The following PPP1R42 variants were observed in gnomAD, a reference collection of about 807,000 sequenced individuals.
PPP1R42 encodes protein phosphatase 1 regulatory subunit 42.
A neutral mutation model predicts 31.0 loss-of-function variants in PPP1R42; 34 were observed. That is an observed-to-expected ratio of 1.10 (90% CI 0.83 to 1.46). PPP1R42 has a LOEUF of 1.46. PPP1R42 is among the 40% of genes most tolerant of loss of function. The probability of loss-of-function intolerance (pLI) is 0.00; values close to 1 mark genes in which losing one functional copy is unlikely to be tolerated. For missense variants in PPP1R42, 268 were observed against 303.0 expected (o/e 0.88, Z 0.86); for synonymous variants, 103 against 109.8 (o/e 0.94, Z 0.39).
chr8:66,988,719 A>G (rs1815101345), intron 5 of PPP1R42, among the ~76,000 whole-genome samples: 1 of 152,210 alleles, frequency 6.6e-6, no homozygotes, highest in African/African-American at 2.4e-5. Flanking sequence ...GAGGCAAAAA[A>G]AAGAGGTCCT....
chr8:66,964,325 A>G lies in PPP1R42; in HGVS notation c.812T>C (p.Leu271Pro). Residue 271 changes from leucine (L) to proline (P), a missense_variant, in exon 8 of 8, where the codon CTT becomes CCT. By Grantham distance (98) the Leu-to-Pro change is moderately conservative. Transcript: ENST00000685739. ...TCAGCAAGCTTTCAGATTGCTTCAA[A>G]GAGAGATTCCTGTATTTATAGAGAG... is the stretch of plus-strand genomic sequence containing the variant. ...DASNSLIRISL is the reference protein window; with the variant it reads ...DASNSLIRISP 1 of 1,272,816 alleles carries G rather than the reference A, an allele frequency of 7.9e-7. No homozygotes were observed. The highest frequency in any genetic ancestry group is 1.0e-6 in the Non-Finnish European group (1 of 983,436). The allele number at this position is 1,272,816 out of a possible 1,614,324, so 78.8% of individuals were successfully genotyped here.
At chr8:66,978,208 A>G (rs187425967) in intron 7 of PPP1R42, among the ~76,000 whole-genome samples, 2 of 152,320 alleles carry the variant, frequency 1.3e-5, no homozygotes, top group African/African-American at 4.8e-5. Context: ...CACATCTTAC[A>G]TGGTGGCAGA....
intron 7 of PPP1R42, among the ~76,000 whole-genome samples, chr8:66,965,797 C>A (rs1403320440): frequency 6.6e-6 from 1 of 151,994 alleles, no homozygotes; most frequent in Non-Finnish European, 1.5e-5. Context: ...GTGGAACATG[C>A]CTGTAGTCTC....
At chr8:66,971,005 T>A in intron 7 of PPP1R42, 1 of 1,524,706 alleles carries the variant, frequency 6.6e-7, no homozygotes, top group Non-Finnish European at 8.7e-7. Context: ...AATTTTAGTG[T>A]AATCTTCTCA....
rs192845374 is a variant in PPP1R42, at chr8:67,023,873, C to T, written c.-85+4618G>A. 1.8e-3 allele frequency among the ~76,000 whole-genome samples: 269 copies of T among 151,306 alleles called. 2 individuals are homozygous for T. Among genetic ancestry groups the T allele is most frequent in the African/African-American group, 6.3e-3 (259 of 41,238 alleles). ...AAGATAGCCATACTCAGCTGGGCAC[C>T]GTGGCTGATGCCTGTAATCCCAGCA... On this transcript the variant is annotated intron_variant, in intron 1 of 7. Coordinates refer to ENST00000685739, the MANE Select transcript of PPP1R42 (RefSeq NM_001364910.1).
intron 1 of PPP1R42, among the ~76,000 whole-genome samples, chr8:67,027,837 ACT>A (rs1816448623): frequency 1.3e-5 from 2 of 150,746 alleles, no homozygotes; most frequent in Middle Eastern, 3.4e-3. Context: ...TTACTTTGGG[ACT>A]CCTCTTACTA....
intron 5 of PPP1R42, among the ~76,000 whole-genome samples, chr8:67,007,558 G>C (rs1435089849): frequency 6.6e-6 from 1 of 152,046 alleles, no homozygotes; most frequent in Admixed American, 6.5e-5. Context: ...CGTCAGCCAG[G>C]GTGATCTTGA....
intron 1 of PPP1R42, among the ~76,000 whole-genome samples, chr8:67,024,956 T>C (rs12543094): frequency 6.9e-6 from 1 of 145,766 alleles, no homozygotes; most frequent in African/African-American, 2.6e-5. Flanking sequence ...TTTTTTTTGG[T>C]ACAGATAGGG....
intron 1 of PPP1R42, among the ~76,000 whole-genome samples, chr8:67,024,850 T>G (rs1048601159): frequency 6.6e-6 from 1 of 152,114 alleles, no homozygotes; most frequent in African/African-American, 2.4e-5. Context: ...TGTTAAATTT[T>G]TTTGCATTCC....
chr8:67,008,018 C>G (rs1486128618), intron 5 of PPP1R42, among the ~76,000 whole-genome samples: 1 of 150,832 alleles, frequency 6.6e-6, no homozygotes, highest in Non-Finnish European at 1.5e-5. Context: ...TCCCAAGTAT[C>G]TGGGACTACA....
At chr8:67,023,157 G>A (rs899203093) in intron 1 of PPP1R42, among the ~76,000 whole-genome samples, 7 of 130,026 alleles carry the variant, frequency 5.4e-5, no homozygotes, top group African/African-American at 1.5e-4. Context: ...ACAGGGTCTC[G>A]CTCTGTACAG....
intron 6 of PPP1R42, among the ~76,000 whole-genome samples, chr8:66,983,150 CA>C (rs1023036674): frequency 2.0e-4 from 30 of 152,166 alleles, no homozygotes; most frequent in African/African-American, 7.0e-4. Flanking sequence ...AATTATTCCC[CA>C]ATGAGAAATA....
intron 7 of PPP1R42, among the ~76,000 whole-genome samples, chr8:66,976,793 TTATC>T (rs1283794758): frequency 6.6e-6 from 1 of 152,166 alleles, no homozygotes; most frequent in African/African-American, 2.4e-5. Flanking sequence ...CACATTTTCT[TTATC>T]CATTCATCTG....
intron 5 of PPP1R42, among the ~76,000 whole-genome samples, chr8:66,999,555 C>T (rs968255414): frequency 6.6e-6 from 1 of 152,036 alleles, no homozygotes; most frequent in Non-Finnish European, 1.5e-5. Context: ...CCCCACATTG[C>T]CCAGCCTGGG....
At chr8:67,015,088 G>A (rs1204439316) in intron 2 of PPP1R42, among the ~76,000 whole-genome samples, 1 of 151,904 alleles carries the variant, frequency 6.6e-6, no homozygotes, top group Admixed American at 6.6e-5. Flanking sequence ...ACGCCATCTC[G>A]GCTCACCATA....
chr8:67,014,527 G>A lies in PPP1R42; in HGVS notation c.195C>T (p.Ile65=). 2.6e-6 allele frequency: 4 copies of A among 1,564,082 alleles called. No homozygotes were observed. The highest frequency in any genetic ancestry group is 3.5e-6 in the Non-Finnish European group (4 of 1,140,970). The change falls in exon 3 of 8, where the codon ATC becomes ATT. Residue 65 remains isoleucine (I), a synonymous_variant. Coordinates refer to ENST00000685739, the MANE Select transcript of PPP1R42 (RefSeq NM_001364910.1). ...LYLYDNCISQ[I]TNLNYATNLT... ...GATTTGTGGCATAATTCAGGTTAGTGATTTGACTAATACAATTATCATATA... is the reference window on the plus strand; with the variant it reads ...GATTTGTGGCATAATTCAGGTTAGTAATTTGACTAATACAATTATCATATA...
intron 6 of PPP1R42, chr8:66,985,917 C>A: frequency 1.2e-6 from 1 of 857,586 alleles, no homozygotes; most frequent in South Asian, 1.5e-5. Flanking sequence ...CCTGATGATT[C>A]CTTGGAGAGC....
intron 1 of PPP1R42, among the ~76,000 whole-genome samples, chr8:67,018,586 G>C (rs1816091967): frequency 6.7e-6 from 1 of 150,330 alleles, no homozygotes; most frequent in Non-Finnish European, 1.5e-5. Flanking sequence ...GGTCTTGGCT[G>C]ACTGCAACCT....
intron 7 of PPP1R42, among the ~76,000 whole-genome samples, chr8:66,980,403 AT>A (rs909436075): frequency 2.0e-5 from 3 of 151,080 alleles, no homozygotes; most frequent in African/African-American, 4.9e-5. Context: ...ATTTTAAAGT[AT>A]TTTTTTTATA....
Sources: gnomAD v4.1 joint callset for allele counts (sites outside exome capture counted in the v4.1 genomes callset) on GRCh38, gnomAD v4.1.1 for gene constraint, MANE v1.5 for transcripts, NCBI Gene and HGNC (gene_info 2026-07-23, HGNC 2026-07-21) for gene names.